Variants in LHFPL3 observed in about 807,000 individuals in gnomAD.
LHFPL3 encodes LHFPL tetraspan subfamily member 3 protein.
In LHFPL3, 5 loss-of-function variants were observed where a neutral mutation model predicts 19.3. The ratio of observed to expected loss-of-function variants is 0.26; its 90% CI spans 0.14 to 0.54. The LOEUF is 0.54. Among genes scored for constraint, LHFPL3 ranks in the 20% least tolerant of loss-of-function variants. LHFPL3 has a pLI of 0.94. For synonymous variants in LHFPL3, 133 were observed against 126.2 expected (o/e 1.05, Z -0.36); for missense variants, 249 against 307.4 (o/e 0.81, Z 1.42).
chr7:104,775,291 G>A (rs1794620561), intron 2 of LHFPL3, among the ~76,000 whole-genome samples: 1 of 152,124 alleles, frequency 6.6e-6, no homozygotes, highest in Non-Finnish European at 1.5e-5. Context: ...AACTACTCAG[G>A]AGGCTGAGGA....
At chr7:104,614,680 C>CTTCTTTCTTTCT (rs60085377) in intron 1 of LHFPL3, among the ~76,000 whole-genome samples, 10 of 94,402 alleles carry the variant, frequency 1.1e-4, no homozygotes, top group African/African-American at 1.7e-4. Flanking sequence ...TCCTTCCTTC[C>CTTCTTTCTTTCT]TTCTTTCTTT....
At position 104,702,803 on chromosome 7, in the gene LHFPL3, G is replaced by C. The variant is rs74789939; in HGVS notation, c.446-33872G>C. Among the ~76,000 whole-genome samples, 648 of 152,202 alleles carry C rather than the reference G, an allele frequency of 4.3e-3. 24 individuals carry two copies. The East Asian group carries it at 0.091, about 21-fold the overall frequency. On this transcript the variant is annotated intron_variant, in intron 1 of 2. Transcript: ENST00000424859. ...TGGCTTCTTTGGTGTTCTGAGGTAG[G>C]ATCCCTCTTTCTCCCTGGCGCCTTA...
intron 1 of LHFPL3, among the ~76,000 whole-genome samples, chr7:104,658,796 C>T (rs1321791444): frequency 1.3e-5 from 2 of 152,102 alleles, no homozygotes; most frequent in Non-Finnish European, 2.9e-5. Flanking sequence ...TCTCAAAAAA[C>T]AAACTAAAAA....
intron 1 of LHFPL3, among the ~76,000 whole-genome samples, chr7:104,591,374 A>C (rs1260089792): frequency 6.6e-6 from 1 of 152,174 alleles, no homozygotes; most frequent in Non-Finnish European, 1.5e-5. Flanking sequence ...TCACTTATGA[A>C]GCTTAGTTTG....
At chr7:104,489,768 C>G (rs1793305714) in intron 1 of LHFPL3, among the ~76,000 whole-genome samples, 1 of 151,996 alleles carries the variant, frequency 6.6e-6, no homozygotes, top group South Asian at 2.1e-4. Flanking sequence ...ATGACCATAA[C>G]CTCCCAAATT....
At chr7:104,745,183 G>T (rs1201316639) in intron 2 of LHFPL3, among the ~76,000 whole-genome samples, 1 of 152,158 alleles carries the variant, frequency 6.6e-6, no homozygotes, top group African/African-American at 2.4e-5. Flanking sequence ...CCAACAAATT[G>T]TCCGCAGGAG....
In LHFPL3 at chr7:104,690,340, C is replaced by T. The variant is rs538761678; in HGVS notation, c.446-46335C>T. ...TCCTATTTATAAGGCCCACCAGAAG[C>T]AATTTGCCTTCAGCTGGCAAGGCCA... On this transcript the variant is annotated intron_variant, in intron 1 of 2. Transcript: ENST00000424859. 8.5e-5 allele frequency among the ~76,000 whole-genome samples: 13 copies of T among 152,374 alleles called. No homozygotes were observed. The East Asian group carries it at 1.7e-3, about 20-fold the overall frequency.
chr7:104,814,600 G>A (rs538221547), intron 2 of LHFPL3, among the ~76,000 whole-genome samples: 3 of 152,150 alleles, frequency 2.0e-5, no homozygotes, highest in East Asian at 3.9e-4. Context: ...GACCTGCCCC[G>A]TTCCACCCAG....
At chr7:104,524,304 C>T (rs181607150) in intron 1 of LHFPL3, among the ~76,000 whole-genome samples, 77 of 152,106 alleles carry the variant, frequency 5.1e-4, no homozygotes, top group African/African-American at 1.5e-3. Flanking sequence ...GTCAAACTCT[C>T]GGGAAGACAG....
At chr7:104,838,520 A>ATGAG (rs1187328425) in intron 2 of LHFPL3, among the ~76,000 whole-genome samples, 1 of 152,252 alleles carries the variant, frequency 6.6e-6, no homozygotes, top group Non-Finnish European at 1.5e-5. Flanking sequence ...TATTTTACAG[A>ATGAG]TGAGTTTTGA....
chr7:104,514,663 A>G (rs1014523813), intron 1 of LHFPL3, among the ~76,000 whole-genome samples: 4 of 152,172 alleles, frequency 2.6e-5, no homozygotes, highest in Non-Finnish European at 5.9e-5. Flanking sequence ...ACTGGTGTGA[A>G]CTAGGGATGG....
intron 1 of LHFPL3, among the ~76,000 whole-genome samples, chr7:104,349,537 A>G (rs1057391666): frequency 2.6e-5 from 4 of 152,210 alleles, no homozygotes; most frequent in African/African-American, 9.6e-5. Flanking sequence ...TGATTTTGAA[A>G]TGACTTTGTG....
At chr7:104,582,432 C>G (rs985161061) in intron 1 of LHFPL3, among the ~76,000 whole-genome samples, 3 of 151,942 alleles carry the variant, frequency 2.0e-5, no homozygotes, top group African/African-American at 7.2e-5. Context: ...TTTCCCCCTT[C>G]TTTTCAATCT....
At chr7:104,581,954 T>G (rs764908832) in intron 1 of LHFPL3, among the ~76,000 whole-genome samples, 3 of 151,976 alleles carry the variant, frequency 2.0e-5, no homozygotes, top group Non-Finnish European at 4.4e-5. Context: ...TTGGATAGTC[T>G]AGATACTTTT....
chr7:104,852,732 G>T (rs760664710), intron 2 of LHFPL3, among the ~76,000 whole-genome samples: 1 of 152,224 alleles, frequency 6.6e-6, no homozygotes, highest in Non-Finnish European at 1.5e-5. Context: ...GTTAATAGTC[G>T]TATCTTTGAA....
intron 1 of LHFPL3, among the ~76,000 whole-genome samples, chr7:104,465,053 C>T (rs1418649057): frequency 6.6e-6 from 1 of 152,148 alleles, no homozygotes; most frequent in Non-Finnish European, 1.5e-5. Flanking sequence ...CTCTCAAATT[C>T]AAAGTTCCAC....
intron 2 of LHFPL3, among the ~76,000 whole-genome samples, chr7:104,784,357 C>G (rs1418050609): frequency 6.6e-6 from 1 of 152,222 alleles, no homozygotes; most frequent in Non-Finnish European, 1.5e-5. Flanking sequence ...CTTAACATTT[C>G]TGGACCTCGC....
At chr7:104,767,246 G>A (rs1157728098) in intron 2 of LHFPL3, among the ~76,000 whole-genome samples, 1 of 152,206 alleles carries the variant, frequency 6.6e-6, no homozygotes, top group Non-Finnish European at 1.5e-5. Flanking sequence ...GAGCAGCTCC[G>A]GGTAAGATGG....
intron 2 of LHFPL3, among the ~76,000 whole-genome samples, chr7:104,829,707 C>A (rs1790909588): frequency 6.6e-6 from 1 of 151,980 alleles, no homozygotes; most frequent in African/African-American, 2.4e-5. Flanking sequence ...ATATGTGCCA[C>A]ATTTTCTTAA....
Sources: allele counts gnomAD v4.1 joint callset (sites outside exome capture counted in the v4.1 genomes callset), GRCh38; gene constraint gnomAD v4.1.1; transcripts MANE v1.5; gene names NCBI Gene and HGNC (gene_info 2026-07-23, HGNC 2026-07-21).